Variants in FRMPD1 observed in about 807,000 individuals in gnomAD.
The protein encoded by FRMPD1 is FERM and PDZ domain containing 1, also known as FERM and PDZ domain-containing protein 1.
In FRMPD1, 76 loss-of-function variants were observed where a neutral mutation model predicts 117.8. The ratio of observed to expected loss-of-function variants is 0.65; its 90% confidence interval spans 0.54 to 0.78. The LOEUF (loss-of-function observed/expected upper bound fraction) is 0.78. Ranked by LOEUF, FRMPD1 falls within the 30% of genes least tolerant of loss-of-function variation. The pLI, the probability that FRMPD1 is intolerant of heterozygous loss-of-function variation, is 0.00. For missense variants in FRMPD1, 1,786 were observed against 1,964.5 expected, an observed-to-expected ratio of 0.91 and a Z score of 1.72; for synonymous variants, 783 against 770.4, an observed-to-expected ratio of 1.02 and a Z score of -0.27.
the FRMPD1 span, among the ~76,000 whole-genome samples, chr9:37,604,505 G>A: frequency 6.6e-6 from 1 of 152,228 alleles, no homozygotes; most frequent in Non-Finnish European, 1.5e-5. Context: ...GTAGTCACAA[G>A]GTATGCTTAG....
chr9:37,645,169 A>G, the FRMPD1 span, among the ~76,000 whole-genome samples: 1 of 152,290 alleles, frequency 6.6e-6, no homozygotes, highest in South Asian at 2.1e-4. Flanking sequence ...TAGATGCTGA[A>G]CCCAGTCCTA....
intron 7 of FRMPD1, 49 bp from the exon 8 acceptor site, chr9:37,729,679 A>T: frequency 6.3e-7 from 1 of 1,589,646 alleles, no homozygotes; most frequent in East Asian, 2.2e-5. Flanking sequence ...AGGCCAGGGA[A>T]GTCCTTCCTG....
At chr9:37,742,591 G>A (rs952039587) in intron 15 of FRMPD1, among the ~76,000 whole-genome samples, 6 of 152,066 alleles carry the variant, frequency 3.9e-5, no homozygotes, top group African/African-American at 7.2e-5. Flanking sequence ...ATCACCTGAG[G>A]GACCTTGTTT....
rs780934594 is a variant in FRMPD1, at chr9:37,699,509, G to A, written c.101+6767G>A. 8.6e-5 allele frequency among the ~76,000 whole-genome samples: 13 copies of A among 151,348 alleles called. No individual in the cohort carries two copies. The East Asian group carries it at 9.8e-4, about 11-fold the overall frequency. On this transcript the variant is annotated intron_variant, in intron 2 of 15. Transcript: ENST00000377765. ...TAATTTTTGTATTTTTGGAAGATAC[G>A]GGGTTTCACCATGTTGCCCAGGCTG...
chr9:37,627,250 A>G, the FRMPD1 span, among the ~76,000 whole-genome samples: 306 of 152,272 alleles, frequency 2.0e-3, 1 homozygote, highest in African/African-American at 5.8e-3. Context: ...TTCAAGAACC[A>G]TGTTAAATCC....
At chr9:37,685,278 G>A (rs1294560257) in intron 1 of FRMPD1, among the ~76,000 whole-genome samples, 1 of 152,140 alleles carries the variant, frequency 6.6e-6, no homozygotes, top group Non-Finnish European at 1.5e-5. Context: ...TATGTGAAGA[G>A]TCTTCCTTGT....
At chr9:37,714,795 C>T (rs532857185) in intron 5 of FRMPD1, among the ~76,000 whole-genome samples, 3 of 152,010 alleles carry the variant, frequency 2.0e-5, no homozygotes, top group South Asian at 2.1e-4. Flanking sequence ...TACAGGCATG[C>T]ACCACCACGC....
chr9:37,626,691 A>C, the FRMPD1 span, among the ~76,000 whole-genome samples: 1 of 144,396 alleles, frequency 6.9e-6, no homozygotes, highest in African/African-American at 2.6e-5. Context: ...TGGGATGCTG[A>C]GGTGAGAGGA....
At chr9:37,666,657 C>G (rs1821169524) in intron 1 of FRMPD1, among the ~76,000 whole-genome samples, 2 of 152,216 alleles carry the variant, frequency 1.3e-5, no homozygotes, top group African/African-American at 4.8e-5. Context: ...TCTCCCACCA[C>G]CAAACTCCCA....
At chr9:37,742,904 A>G (rs1824489170) in intron 15 of FRMPD1, among the ~76,000 whole-genome samples, 1 of 151,910 alleles carries the variant, frequency 6.6e-6, no homozygotes, top group Admixed American at 6.6e-5. Context: ...GTCTCAAAAA[A>G]CAAAAAACAA....
rs62534454 is a variant in FRMPD1 at position 37,662,339 on chromosome 9, G to A, written c.-5+11245G>A. Among the ~76,000 whole-genome samples the A allele has an allele frequency of 3.9e-3, 597 of 152,260 alleles. 2 individuals are homozygous for A. The highest frequency in any genetic ancestry group is 0.024 in the Middle Eastern group (7 of 294). Reference sequence around the variant, plus strand: ...CACCGCCCATCACTGCCATATTGGGGATCACAGTTTTAGCACATGAACTTT... The same window carrying A: ...CACCGCCCATCACTGCCATATTGGGAATCACAGTTTTAGCACATGAACTTT... On this transcript the variant is annotated intron_variant, in intron 1 of 15. Coordinates refer to ENST00000377765, the MANE Select transcript of FRMPD1 (RefSeq NM_014907.3).
chr9:37,649,062 A>G (rs1455690185), upstream of FRMPD1, among the ~76,000 whole-genome samples: 1 of 152,128 alleles, frequency 6.6e-6, no homozygotes, highest in East Asian at 1.9e-4. Flanking sequence ...AGAGAGGCTG[A>G]CACTGACGCA....
At chr9:37,606,867 G>A in the FRMPD1 span, among the ~76,000 whole-genome samples, 9 of 152,302 alleles carry the variant, frequency 5.9e-5, no homozygotes, top group Non-Finnish European at 1.3e-4. Flanking sequence ...AACCATAGAT[G>A]TAAGGGAGTC....
chr9:37,611,343 C>T, the FRMPD1 span, among the ~76,000 whole-genome samples: 7 of 152,164 alleles, frequency 4.6e-5, no homozygotes, highest in South Asian at 2.1e-4. Flanking sequence ...CTTCTGCGGA[C>T]GGCCCCACCT....
chr9:37,709,376 T>G (rs1487029022), intron 4 of FRMPD1, among the ~76,000 whole-genome samples: 1 of 150,578 alleles, frequency 6.6e-6, no homozygotes. Flanking sequence ...TTTTTTGAGA[T>G]GGGGACTTGC....
intron 9 of FRMPD1, among the ~76,000 whole-genome samples, chr9:37,732,014 G>T (rs922493127): frequency 6.6e-6 from 1 of 152,092 alleles, no homozygotes; most frequent in African/African-American, 2.4e-5. Context: ...CAATAACAAC[G>T]CCATCAATAC....
chr9:37,685,372 A>C (rs10814598), intron 1 of FRMPD1, among the ~76,000 whole-genome samples: 1 of 152,030 alleles, frequency 6.6e-6, no homozygotes, highest in Non-Finnish European at 1.5e-5. Context: ...GGCTGGGCGC[A>C]GTGGCTCACG....
At chr9:37,692,790 C>T (rs765259210) in intron 2 of FRMPD1, 48 bp downstream of exon 2, 114 of 1,325,976 alleles carry the variant, frequency 8.6e-5, no homozygotes, top group Non-Finnish European at 1.2e-4. Context: ...GTCTGGTGTC[C>T]CGGGGGAGGA....
intron 6 of FRMPD1, among the ~76,000 whole-genome samples, chr9:37,719,892 C>A (rs1217323196): frequency 1.3e-5 from 2 of 152,154 alleles, no homozygotes; most frequent in Non-Finnish European, 2.9e-5. Flanking sequence ...ATAAAAGGCT[C>A]ATTTATTCAT....
Sources: gnomAD v4.1 joint callset for allele counts (sites outside exome capture counted in the v4.1 genomes callset) on GRCh38, gnomAD v4.1.1 for gene constraint, MANE v1.5 for transcripts, NCBI Gene and HGNC (gene_info 2026-07-23, HGNC 2026-07-21) for gene names.